Variants in MYO5B observed in about 807,000 individuals in gnomAD.
MYO5B encodes the protein myosin VB.
A neutral mutation model predicts 229.3 loss-of-function variants in MYO5B; 143 were observed. The observed-to-expected ratio is 0.62, with a 90% CI of 0.54 to 0.72. The LOEUF (loss-of-function observed/expected upper bound fraction) is 0.72. MYO5B is among the 30% of genes least tolerant of loss of function. The pLI is 0.00. For synonymous variants in MYO5B, 918 were observed against 885.2 expected (o/e 1.04, Z -0.66); for missense variants, 2,321 against 2,331.0 (o/e 1.00, Z 0.09).
chr18:49,873,303 T>C (rs9967578), intron 26 of MYO5B, among the ~76,000 whole-genome samples: 36,542 of 152,144 alleles, frequency 0.24, 4,511 homozygotes, highest in East Asian at 0.42. Context: ...CTGATTAAGA[T>C]GGATTTTTGG....
chr18:50,155,917 G>C (rs2032671352), intron 1 of MYO5B, among the ~76,000 whole-genome samples: 3 of 152,146 alleles, frequency 2.0e-5, no homozygotes, highest in Admixed American at 2.0e-4. Context: ...AACACTAATA[G>C]GTCAAGAAGA....
chr18:49,879,032 C>T lies in MYO5B; in HGVS notation c.3189G>A (p.Glu1063=). ...TCACAAGGTTCTGGTACCGGGATCG[C>T]TCCTCCTCCAGTTCTTTCTTCATGA... ...ENLMKKELEE[E]RSRYQNLVKE... The change falls in exon 24 of 40, where the codon GAG becomes GAA. Residue 1063 remains glutamate, a synonymous_variant. Transcript: ENST00000285039. 4 of 1,603,586 alleles carry T rather than the reference C, an allele frequency of 2.5e-6. No individual in the cohort carries two copies. Among genetic ancestry groups the T allele is most frequent in the Non-Finnish European group, 2.5e-6 (3 of 1,177,274 alleles).
intron 10 of MYO5B, among the ~76,000 whole-genome samples, chr18:49,971,203 T>C (rs974502905): frequency 6.6e-6 from 1 of 152,258 alleles, no homozygotes; most frequent in East Asian, 1.9e-4. Flanking sequence ...TAGTCATGAA[T>C]AGAATAAAGC....
At chr18:50,158,070 G>C (rs2032709695) in intron 1 of MYO5B, among the ~76,000 whole-genome samples, 1 of 152,200 alleles carries the variant, frequency 6.6e-6, no homozygotes, top group Admixed American at 6.5e-5. Flanking sequence ...TAAGGTGGAA[G>C]TGGGCACACG....
At chr18:49,981,832 G>A (rs529368745) in intron 8 of MYO5B, among the ~76,000 whole-genome samples, 1 of 152,192 alleles carries the variant, frequency 6.6e-6, no homozygotes, top group South Asian at 2.1e-4. Flanking sequence ...GTCCATCTTG[G>A]TTCAGCATAA....
intron 4 of MYO5B, among the ~76,000 whole-genome samples, chr18:50,036,406 C>T (rs1467689672): frequency 6.6e-6 from 1 of 152,194 alleles, no homozygotes. Flanking sequence ...AATTTCTGCC[C>T]TTACGTGCTT....
At chr18:50,172,093 C>A (rs2032926426) in intron 1 of MYO5B, among the ~76,000 whole-genome samples, 1 of 152,048 alleles carries the variant, frequency 6.6e-6, no homozygotes, top group African/African-American at 2.4e-5. Context: ...CAAGCCTGCA[C>A]AACAAGGCAA....
At chr18:49,976,496 T>C (rs570075333) in intron 9 of MYO5B, among the ~76,000 whole-genome samples, 2 of 152,326 alleles carry the variant, frequency 1.3e-5, no homozygotes, top group African/African-American at 2.4e-5. Flanking sequence ...TAAACACAGC[T>C]GAACTGGTTT....
chr18:49,953,639 A>G (rs1209574152), intron 13 of MYO5B, among the ~76,000 whole-genome samples: 1 of 152,182 alleles, frequency 6.6e-6, no homozygotes, highest in Non-Finnish European at 1.5e-5. Context: ...ATCAATCTGT[A>G]TTTTAACAAG....
intron 20 of MYO5B, 99 bp from the exon 21 acceptor site, chr18:49,902,932 G>A (rs534808961): frequency 4.5e-5 from 67 of 1,485,254 alleles, no homozygotes; most frequent in Non-Finnish European, 6.1e-5. Context: ...GGCCAGGGCA[G>A]CCTTGGTTCT....
chr18:50,105,802 TAAGTA>T (rs1489395693), intron 1 of MYO5B, among the ~76,000 whole-genome samples: 1 of 152,042 alleles, frequency 6.6e-6, no homozygotes, highest in African/African-American at 2.4e-5. Flanking sequence ...CTGGACAAAT[TAAGTA>T]AAGACAAAAG....
intron 1 of MYO5B, among the ~76,000 whole-genome samples, chr18:50,114,174 G>T (rs2031916524): frequency 6.6e-6 from 1 of 152,108 alleles, no homozygotes; most frequent in Admixed American, 6.6e-5. Context: ...AAACTGAGAT[G>T]CCAGCCAGCA....
intron 39 of MYO5B, among the ~76,000 whole-genome samples, chr18:49,833,416 G>A (rs1310875622): frequency 1.3e-5 from 2 of 152,192 alleles, no homozygotes; most frequent in Non-Finnish European, 2.9e-5. Flanking sequence ...GCATTGTATA[G>A]GTAGAAACAA....
chr18:49,929,088 AC>A (rs2025160472), intron 17 of MYO5B, among the ~76,000 whole-genome samples: 1 of 152,156 alleles, frequency 6.6e-6, no homozygotes, highest in African/African-American at 2.4e-5. Context: ...GTAACCAAAC[AC>A]CACTTGTTCC....
Position 49,937,345 on chromosome 18 carries a change from G to C in MYO5B, c.1805C>G (p.Thr602Ser). ...FHDDKDPVPATTPGKGSSSKI... is the reference protein window; with the variant it reads ...FHDDKDPVPASTPGKGSSSKI... ...CGAAGATGACCCCTTCCCAGGGGTG[G>C]TGGCAGGAACAGGGTCCTTGTCATC... The change falls in exon 15 of 40, where the codon ACC becomes AGC. Residue 602 changes from threonine to serine, a missense_variant. This residue lies in a region of MYO5B where 2,113 missense variants were observed against 2,044.7 expected (regional missense o/e 1.03). Transcript: ENST00000285039. 6.2e-7 allele frequency: 1 copy of C among 1,614,014 alleles called. No individual in the cohort carries two copies. Among genetic ancestry groups the C allele is most frequent in the Non-Finnish European group, 8.5e-7 (1 of 1,179,858 alleles).
At position 49,877,813 on chromosome 18, in the gene MYO5B, T is replaced by C. The variant is rs773602695; in HGVS notation, c.3346A>G (p.Ile1116Val). 3.7e-6 allele frequency: 6 copies of C among 1,614,104 alleles called. No individual in the cohort carries two copies. Among genetic ancestry groups the C allele is most frequent in the South Asian group, 3.3e-5 (3 of 91,080 alleles). ...SLESDSNYPS[I>V]STSEIGDTED... ...GTGTCTCCGATCTCAGATGTGGAGA[T>C]GGAGGGGTAATTGGAGTCAGATTCT... The change falls in exon 25 of 40, where the codon ATC becomes GTC. Residue 1116 changes from isoleucine (I) to valine (V), a missense_variant. By Grantham distance (29) the Ile-to-Val change is conservative. Coordinates refer to ENST00000285039, the MANE Select transcript of MYO5B (RefSeq NM_001080467.3).
intron 10 of MYO5B, among the ~76,000 whole-genome samples, chr18:49,971,849 G>C (rs1204360965): frequency 6.6e-6 from 1 of 152,154 alleles, no homozygotes; most frequent in Non-Finnish European, 1.5e-5. Context: ...CTGTGCATGG[G>C]ACTTATTTGT....
chr18:49,939,449 G>A (rs1049510434), intron 14 of MYO5B, among the ~76,000 whole-genome samples: 8 of 152,156 alleles, frequency 5.3e-5, no homozygotes, highest in African/African-American at 1.9e-4. Flanking sequence ...CGGCCTACAT[G>A]AATGATCTTT....
chr18:49,846,489 G>A (rs1337784835), intron 33 of MYO5B, among the ~76,000 whole-genome samples: 22 of 152,098 alleles, frequency 1.4e-4, no homozygotes, highest in Non-Finnish European at 1.5e-5. Context: ...GCACAGCCAC[G>A]GCCATGTGCG....
Sources: allele counts gnomAD v4.1 joint callset (sites outside exome capture counted in the v4.1 genomes callset), GRCh38; gene constraint gnomAD v4.1.1; regional missense constraint gnomAD v4.1.1; transcripts MANE v1.5; gene names NCBI Gene and HGNC (gene_info 2026-07-23, HGNC 2026-07-21).